Variants in FGF12 observed in about 807,000 individuals in gnomAD.
The protein encoded by FGF12 is fibroblast growth factor 12B.
Under a neutral mutation model 23.6 loss-of-function variants are expected in FGF12, and 14 were observed. That is an observed-to-expected ratio of 0.59 (90% confidence interval 0.39 to 0.93). The LOEUF is 0.93. FGF12 is among the 40% of genes least tolerant of loss of function. The pLI is 0.00. For synonymous variants in FGF12, 62 were observed against 77.3 expected, an observed-to-expected ratio of 0.80 and a Z score of 1.04; for missense variants, 175 against 217.8, an observed-to-expected ratio of 0.80 and a Z score of 1.24.
intron 4 of FGF12, chr3:192,265,367 A>T (rs1163612269): frequency 6.6e-6 from 1 of 152,158 alleles, no homozygotes; most frequent in African/African-American, 2.4e-5. Flanking sequence ...ATGGACTAAA[A>T]ATCAAATGAA....
At position 192,409,784 on chromosome 3, in the gene FGF12, G is replaced by A. The variant is rs948674468; in HGVS notation, c.14-49246C>T. ...CGAGGCAGCCGAGGGCGCAACCCGG[G>A]CGCTTGGGGCCGGAGGCGGAATCAG... On this transcript the variant is annotated intron_variant, in intron 2 of 5. Coordinates refer to ENST00000445105, the MANE Select transcript of FGF12 (RefSeq NM_004113.6). The surrounding 1 kb of genome is among the most constrained non-coding windows in gnomAD (Gnocchi z 4.8). 3.9e-5 allele frequency among the ~76,000 whole-genome samples: 6 copies of A among 152,094 alleles called. No homozygotes were observed. Among genetic ancestry groups the A allele is most frequent in the Non-Finnish European group, 5.9e-5 (4 of 67,994 alleles).
chr3:192,679,559 T>C (rs1717445997), intron 2 of FGF12, among the ~76,000 whole-genome samples: 1 of 151,982 alleles, frequency 6.6e-6, no homozygotes, highest in African/African-American at 2.4e-5. Flanking sequence ...TGAGCTGTGA[T>C]TGTGCCACCG....
At chr3:192,344,638 C>T (rs1242247402) in intron 3 of FGF12, among the ~76,000 whole-genome samples, 1 of 152,148 alleles carries the variant, frequency 6.6e-6, no homozygotes, top group Admixed American at 6.5e-5. Flanking sequence ...TGGCTGACAG[C>T]ATACACTGTG....
chr3:192,328,652 T>G (rs1716949997), intron 4 of FGF12, among the ~76,000 whole-genome samples: 1 of 152,188 alleles, frequency 6.6e-6, no homozygotes, highest in South Asian at 2.1e-4. Flanking sequence ...TGGAAAGTTA[T>G]CAATCTAAAG....
intron 2 of FGF12, among the ~76,000 whole-genome samples, chr3:192,616,378 T>C (rs1232516122): frequency 6.6e-6 from 1 of 152,096 alleles, no homozygotes; most frequent in Non-Finnish European, 1.5e-5. Flanking sequence ...GTTTATTGTT[T>C]ATTTAGGTAT....
intron 2 of FGF12, among the ~76,000 whole-genome samples, chr3:192,659,850 A>G (rs1716584074): frequency 1.3e-5 from 2 of 152,270 alleles, no homozygotes; most frequent in South Asian, 4.1e-4. Context: ...AACTGGTGTG[A>G]GATGGTATCT....
chr3:192,155,268 G>C (rs13092690), intron 5 of FGF12, among the ~76,000 whole-genome samples: 3,402 of 151,952 alleles, frequency 0.022, 108 homozygotes, highest in African/African-American at 0.078. Context: ...AGAAATCACC[G>C]GTCTTCTGCA....
intron 2 of FGF12, among the ~76,000 whole-genome samples, chr3:192,645,030 C>A (rs1333162662): frequency 6.6e-6 from 1 of 152,078 alleles, no homozygotes; most frequent in Non-Finnish European, 1.5e-5. Context: ...GGAAAAGGCA[C>A]ACAGTTTTTA....
At chr3:192,382,994 T>C (rs1468857849) in intron 2 of FGF12, among the ~76,000 whole-genome samples, 7 of 152,178 alleles carry the variant, frequency 4.6e-5, no homozygotes, top group Admixed American at 4.6e-4. Context: ...AGTGACTAGT[T>C]TGTGAAGATG....
chr3:192,711,752 G>C (rs1330641658), intron 2 of FGF12, among the ~76,000 whole-genome samples: 3 of 151,996 alleles, frequency 2.0e-5, no homozygotes, highest in Admixed American at 2.0e-4. Context: ...AAGGCAGCAT[G>C]CTCCTTAAGA....
chr3:192,268,676 T>C (rs1415531433), intron 4 of FGF12: 4 of 446,922 alleles, frequency 9.0e-6, no homozygotes, highest in African/African-American at 2.0e-5. Context: ...CTTGTCATGA[T>C]TGTAAGCTTC....
At chr3:192,388,478 A>C (rs1720149358) in intron 2 of FGF12, among the ~76,000 whole-genome samples, 2 of 152,130 alleles carry the variant, frequency 1.3e-5, no homozygotes, top group Non-Finnish European at 2.9e-5. Flanking sequence ...GTCTACAGAA[A>C]TATAATTATT....
rs956174947 is a variant in FGF12 at position 192,299,905 on chromosome 3, T to C, written c.228+35456A>G. Among the ~76,000 whole-genome samples, 8 of 152,206 alleles carry C rather than the reference T, an allele frequency of 5.3e-5. No homozygotes were observed. In the East Asian group the frequency reaches 1.3e-3, roughly 26 times the overall value. The stretch of plus-strand genomic sequence containing the variant: ...TCTTTCCACAGATACATTGATTCTA[T>C]TAGATATTTCCTCATTAGAAGGACT... On this transcript the variant is annotated intron_variant, in intron 4 of 5. Coordinates refer to ENST00000445105, the MANE Select transcript of FGF12 (RefSeq NM_004113.6).
At chr3:192,252,861 G>C (rs1712129679) in intron 4 of FGF12, among the ~76,000 whole-genome samples, 2 of 152,076 alleles carry the variant, frequency 1.3e-5, no homozygotes, top group Non-Finnish European at 2.9e-5. Context: ...ATTATATCAA[G>C]TGTGCTTTTC....
At position 192,408,034 on chromosome 3, in the gene FGF12, G is replaced by A. The variant is rs1305557640; in HGVS notation, c.14-47496C>T. On this transcript the variant is annotated intron_variant, in intron 2 of 5. Transcript: ENST00000445105. This position sits in a 1 kb window ranked among gnomAD's most constrained non-coding sequence, Gnocchi z 7.3. ...CCGGGCTTCTACTGACCTGGTCTCC[G>A]CCTCACCGGCCTCTTGCGGCCGCTG... The A allele has an allele frequency of 6.2e-7, 1 of 1,610,410 alleles. No individual in the cohort carries two copies.
chr3:192,191,691 C>G (rs1319528780), intron 4 of FGF12, among the ~76,000 whole-genome samples: 1 of 152,060 alleles, frequency 6.6e-6, no homozygotes. Context: ...AAAAAATTAG[C>G]CGGGCATGGT....
chr3:192,342,978 G>A (rs559353091), intron 3 of FGF12, among the ~76,000 whole-genome samples: 1 of 151,804 alleles, frequency 6.6e-6, no homozygotes, highest in East Asian at 1.9e-4. Flanking sequence ...AGAAAGAGAA[G>A]AAGAGGAAGA....
At chr3:192,411,838 G>A (rs961748474) in intron 2 of FGF12, among the ~76,000 whole-genome samples, 1 of 152,172 alleles carries the variant, frequency 6.6e-6, no homozygotes, top group African/African-American at 2.4e-5. Context: ...TAAATTTGGA[G>A]TCTCTTTTAT....
chr3:192,373,300 T>TTC (rs397715095), intron 2 of FGF12, among the ~76,000 whole-genome samples: 1 of 151,616 alleles, frequency 6.6e-6, no homozygotes, highest in Non-Finnish European at 1.5e-5. Context: ...TTTTTTTTTT[T>TTC]CAGTGACCTA....
Sources: allele counts gnomAD v4.1 joint callset (sites outside exome capture counted in the v4.1 genomes callset), GRCh38; gene constraint gnomAD v4.1.1; non-coding constraint Gnocchi (gnomAD v3.1); transcripts MANE v1.5; gene names NCBI Gene and HGNC (gene_info 2026-07-23, HGNC 2026-07-21).